Variants in ESRRB observed in about 807,000 individuals in gnomAD.
The protein encoded by ESRRB is steroid hormone receptor ERR2.
A neutral mutation model predicts 46.0 loss-of-function variants in ESRRB; 16 were observed. The observed-to-expected ratio is 0.35, with a 90% CI of 0.24 to 0.53. The LOEUF (loss-of-function observed/expected upper bound fraction) is 0.53, where lower values mean the gene tolerates loss of function less well. Ranked by LOEUF, ESRRB falls within the 20% of genes least tolerant of loss-of-function variation. The pLI, the probability that ESRRB is intolerant of heterozygous loss-of-function variation, is 0.93. For synonymous variants in ESRRB, 246 were observed against 259.6 expected (o/e 0.95, Z 0.50); for missense variants, 488 against 607.4 (o/e 0.80, Z 2.07).
In ESRRB at chr14:76,315,761, GCAGCTTCATCCTC is replaced by G. The variant is rs139362825; in HGVS notation, c.2+4849_2+4861del. ...GCAGAGCTCTGTGTCAGCAAGACAT[GCAGCTTCATCCTC>G]CAGTGGGCTATTCCATGAGGAAGCC... is the stretch of plus-strand genomic sequence containing the variant. On this transcript the variant is annotated intron_variant, in intron 1 of 6. Coordinates refer to the ESRRB transcript ENST00000512784. Among the ~76,000 whole-genome samples the G allele has an allele frequency of 4.6e-3, 697 of 152,306 alleles. 6 individuals are homozygous for G. Among genetic ancestry groups the G allele is most frequent in the African/African-American group, 0.016 (656 of 41,558 alleles).
rs1890584694 is a variant in ESRRB at position 76,499,666 on chromosome 14, T to G, written c.*1208T>G. ...CCCTGGGCACCGCGAGCACGCCAGC[T>G]CTCTGGCAGGACCCCTGCAGTCCCC... On this transcript the variant is annotated 3_prime_UTR_variant, in exon 7 of 7. Transcript: ENST00000644823. The G allele has an allele frequency of 1.5e-6, 1 of 651,194 alleles. No individual in the cohort carries two copies. The highest frequency in any genetic ancestry group is 2.8e-6 in the Non-Finnish European group (1 of 360,654). The allele number at this position is 651,194 out of a possible 1,614,324, so 40.3% of individuals were successfully genotyped here.
Position 76,473,337 on chromosome 14 carries a change from A to G in ESRRB, c.578-8679A>G, listed in dbSNP as rs1227337469. Among the ~76,000 whole-genome samples the G allele has an allele frequency of 2.6e-5, 4 of 152,356 alleles. No homozygotes were observed. The East Asian group carries it at 7.7e-4, about 29-fold the overall frequency. On this transcript the variant is annotated intron_variant, in intron 3 of 6. Transcript: ENST00000644823. ...GGATGTTGAATTTGGTGATGGGGGA[A>G]AGTTCTGGATAAGGGGAAGAGAAGG...
Position 76,347,697 on chromosome 14 carries a change from C to A in ESRRB, c.2+36781C>A, listed in dbSNP as rs796658395. 1.0e-4 allele frequency among the ~76,000 whole-genome samples: 10 copies of A among 99,736 alleles called. 3 individuals carry two copies. Among genetic ancestry groups the A allele is most frequent in the African/African-American group, 3.6e-4 (10 of 27,998 alleles). The allele number at this position is 99,736 out of a possible 152,430, so 65.4% of individuals were successfully genotyped here. On this transcript the variant is annotated intron_variant, in intron 1 of 6. Transcript: ENST00000512784. Reference sequence around the variant, plus strand: ...TTGTACAGCTAGTAAGTGATGGAGCCTGGACTCCAATCCAGTTCTGCCTGA... The same window carrying A: ...TTGTACAGCTAGTAAGTGATGGAGCATGGACTCCAATCCAGTTCTGCCTGA...
intron 6 of ESRRB, among the ~76,000 whole-genome samples, chr14:76,496,254 C>T (rs971243868): frequency 1.1e-4 from 16 of 152,172 alleles, no homozygotes; most frequent in African/African-American, 3.4e-4. Context: ...GGAGATAAGA[C>T]ATGAGCCTGG....
At chr14:76,343,932 G>GT (rs1260610960) in intron 1 of ESRRB, among the ~76,000 whole-genome samples, 2 of 152,320 alleles carry the variant, frequency 1.3e-5, no homozygotes, top group African/African-American at 4.8e-5. Flanking sequence ...GTAGGTAATG[G>GT]TAAGACATTT....
At chr14:76,395,506 A>C (rs1436050572) in intron 1 of ESRRB, among the ~76,000 whole-genome samples, 2 of 152,116 alleles carry the variant, frequency 1.3e-5, no homozygotes, top group Non-Finnish European at 2.9e-5. Flanking sequence ...GACAGGTATG[A>C]ATTCAGCTGA....
chr14:76,399,696 C>T (rs756547768), intron 1 of ESRRB, among the ~76,000 whole-genome samples: 38 of 152,190 alleles, frequency 2.5e-4, no homozygotes, highest in Admixed American at 7.9e-4. Flanking sequence ...TGAAAGGCAG[C>T]TCCCAAGAGG....
intron 5 of ESRRB, among the ~76,000 whole-genome samples, chr14:76,491,098 T>C (rs1435533361): frequency 6.6e-6 from 1 of 152,216 alleles, no homozygotes; most frequent in African/African-American, 2.4e-5. Context: ...TTCCAGTATG[T>C]ACTCAGTCAC....
chr14:76,414,464 G>A (rs1595094013), intron 1 of ESRRB, among the ~76,000 whole-genome samples: 1 of 150,896 alleles, frequency 6.6e-6, no homozygotes, highest in East Asian at 2.0e-4. Context: ...TTTTCATTTC[G>A]GAGGGCCCTG....
At chr14:76,332,894 ATATATTATATACT>A in intron 1 of ESRRB, among the ~76,000 whole-genome samples, 1 of 4,598 alleles carries the variant, frequency 2.2e-4, no homozygotes, top group Non-Finnish European at 4.0e-4. Context: ...TTATATATTT[ATATATTATATACT>A]TATATATTAT....
chr14:76,335,913 A>G (rs1345333421), intron 1 of ESRRB, among the ~76,000 whole-genome samples: 1 of 152,224 alleles, frequency 6.6e-6, no homozygotes, highest in Non-Finnish European at 1.5e-5. Flanking sequence ...TGTAATTGTC[A>G]CAACAACCCC....
At chr14:76,439,800 C>T (rs749286499) in intron 2 of ESRRB, 50 bp downstream of exon 2, 1 of 1,594,806 alleles carries the variant, frequency 6.3e-7, no homozygotes, top group Non-Finnish European at 8.6e-7. Flanking sequence ...GGGTGGCAGC[C>T]GTGCCTGCGG....
chr14:76,320,237 C>T (rs1883851777), intron 1 of ESRRB, among the ~76,000 whole-genome samples: 1 of 152,332 alleles, frequency 6.6e-6, no homozygotes, highest in African/African-American at 2.4e-5. Flanking sequence ...TGCCGTAGGA[C>T]ACTATCTCAG....
Position 76,482,797 on chromosome 14 carries a change from C to T in ESRRB, c.850+38C>T, listed in dbSNP as rs1379917068. On this transcript the variant is annotated intron_variant, in intron 5 of 6. Transcript: ENST00000644823. The surrounding 1 kb of genome is among the most constrained non-coding windows in gnomAD (Gnocchi z 4.3). ...GACCAGGGGAGAGTGTGGCCAGGGA[C>T]TCTCAGCCGGTATCTCCGCAGCCTA... is the stretch of plus-strand genomic sequence containing the variant. The T allele has an allele frequency of 2.5e-6, 4 of 1,611,768 alleles. No homozygotes were observed. The highest frequency in any genetic ancestry group is 2.2e-5 in the South Asian group (2 of 91,002).
At chr14:76,330,069 C>G (rs2139735778) in intron 1 of ESRRB, among the ~76,000 whole-genome samples, 1 of 152,130 alleles carries the variant, frequency 6.6e-6, no homozygotes, top group East Asian at 1.9e-4. Context: ...GAATGACGGA[C>G]ACACCTGTTC....
chr14:76,443,980 G>A (rs189645578), intron 2 of ESRRB, among the ~76,000 whole-genome samples: 213 of 152,216 alleles, frequency 1.4e-3, no homozygotes, highest in Non-Finnish European at 1.1e-3. Flanking sequence ...TTCAGGACAG[G>A]GAAAAGTAAA....
At chr14:76,373,729 G>T (rs1456143948), upstream of ESRRB, among the ~76,000 whole-genome samples, 2 of 152,200 alleles carry the variant, frequency 1.3e-5, no homozygotes, top group Admixed American at 1.3e-4. Context: ...GCAGAGGAAG[G>T]CTGAGAAGGC....
chr14:76,456,402 G>T (rs1217353071), intron 2 of ESRRB, among the ~76,000 whole-genome samples: 2 of 152,154 alleles, frequency 1.3e-5, no homozygotes, highest in African/African-American at 2.4e-5. Context: ...ACCTCCAGGG[G>T]GCAGTGTGGA....
Position 76,376,414 on chromosome 14 carries a change from G to T in ESRRB, c.13G>T (p.Glu5Ter). ...TAAAACGGGACTGATGGACGTGTCC[G>T]AACTCTGCATCCCGGACCCCCTCGG... is the stretch of plus-strand genomic sequence containing the variant. MDVS[E>*]LCIPDPLGYH... Residue 5 changes from glutamate (E) to a stop codon, truncating the protein, a stop_gained, in exon 1 of 7, where the codon GAA becomes TAA. Coordinates refer to ENST00000644823, the MANE Select transcript of ESRRB (RefSeq NM_001379180.1). LOFTEE classifies it high-confidence loss of function. This position sits in a 1 kb window ranked among gnomAD's most constrained non-coding sequence, Gnocchi z 4.1. The T allele has an allele frequency of 3.2e-6, 4 of 1,231,704 alleles. No individual in the cohort carries two copies. Among genetic ancestry groups the T allele is most frequent in the Non-Finnish European group, 3.0e-6 (3 of 987,990 alleles). 76.3% of individuals were successfully genotyped at this position (1,231,704 alleles called of 1,614,324 possible). A position where few individuals can be genotyped will look rare whatever the true frequency, so the allele number is the denominator to read the frequency against.
Sources: allele counts gnomAD v4.1 joint callset (sites outside exome capture counted in the v4.1 genomes callset), GRCh38; gene constraint gnomAD v4.1.1; non-coding constraint Gnocchi (gnomAD v3.1); transcripts MANE v1.5; gene names NCBI Gene and HGNC (gene_info 2026-07-23, HGNC 2026-07-21).